Variants in SIPA1L2 observed in about 807,000 individuals in gnomAD.
The protein encoded by SIPA1L2 is signal-induced proliferation-associated 1-like protein 2.
A neutral mutation model predicts 163.9 loss-of-function variants in SIPA1L2; 56 were observed. That is an observed-to-expected ratio of 0.34 (90% CI 0.28 to 0.43). The LOEUF is 0.43. SIPA1L2 is among the 20% of genes least tolerant of loss of function. SIPA1L2 has a pLI of 1.00. For synonymous variants in SIPA1L2, 877 were observed against 865.7 expected (o/e 1.01, Z -0.23); for missense variants, 1,974 against 2,193.5 (o/e 0.90, Z 2.00).
At chr1:232,432,117 G>C (rs566469750) in intron 16 of SIPA1L2, 130 bp downstream of exon 16, 1 of 726,634 alleles carries the variant, frequency 1.4e-6, no homozygotes, top group Non-Finnish European at 2.2e-6. Flanking sequence ...AACATTTAAA[G>C]AGTTTAAGAA....
At chr1:232,576,753 A>C (rs1407971983) in intron 1 of SIPA1L2, among the ~76,000 whole-genome samples, 1 of 152,244 alleles carries the variant, frequency 6.6e-6, no homozygotes, top group African/African-American at 2.4e-5. Flanking sequence ...ACTTCAGTGA[A>C]CACACAAATG....
intron 10 of SIPA1L2, among the ~76,000 whole-genome samples, chr1:232,449,314 T>C (rs369886779): frequency 1.5e-3 from 234 of 151,466 alleles, no homozygotes; most frequent in Admixed American, 4.1e-3. Flanking sequence ...GTCAGGAGAT[T>C]GAGACCATCC....
At chr1:232,509,075 G>A (rs1666865145) in intron 3 of SIPA1L2, among the ~76,000 whole-genome samples, 1 of 152,230 alleles carries the variant, frequency 6.6e-6, no homozygotes. Flanking sequence ...CTGGGCAACA[G>A]AGCGAGACTC....
chr1:232,569,716 G>A (rs1459164043), intron 2 of SIPA1L2, among the ~76,000 whole-genome samples: 3 of 152,180 alleles, frequency 2.0e-5, no homozygotes, highest in Non-Finnish European at 1.5e-5. Context: ...GGGAGGTTGA[G>A]GCAGGAGAAC....
At chr1:232,555,360 G>T (rs1658641773) in intron 2 of SIPA1L2, among the ~76,000 whole-genome samples, 1 of 152,244 alleles carries the variant, frequency 6.6e-6, no homozygotes, top group East Asian at 1.9e-4. Context: ...AAGCCAACCT[G>T]GAGCAGCATA....
chr1:232,439,539 A>C, intron 14 of SIPA1L2, 43 bp from the exon 15 acceptor site: 1 of 1,571,882 alleles, frequency 6.4e-7, no homozygotes, highest in Non-Finnish European at 8.6e-7. Context: ...GTGAATCTTG[A>C]ACTCAGGTGC....
At chr1:232,412,846 C>T (rs1661038410) in intron 19 of SIPA1L2, among the ~76,000 whole-genome samples, 1 of 152,184 alleles carries the variant, frequency 6.6e-6, no homozygotes, top group African/African-American at 2.4e-5. Context: ...ATGCTAACTC[C>T]TCCCACATTA....
chr1:232,503,913 G>A (rs937755857), intron 3 of SIPA1L2, among the ~76,000 whole-genome samples: 1 of 152,156 alleles, frequency 6.6e-6, no homozygotes, highest in Non-Finnish European at 1.5e-5. Context: ...AATGAGGGCA[G>A]GGCATAGTGG....
Position 232,398,867 on chromosome 1 carries a change from A to G in SIPA1L2, c.*260T>C. The G allele has an allele frequency of 7.3e-6, 3 of 410,852 alleles. No individual in the cohort carries two copies. Among genetic ancestry groups the G allele is most frequent in the South Asian group, 6.7e-5 (2 of 30,010 alleles). 25.5% of individuals were successfully genotyped at this position (410,852 alleles called of 1,614,324 possible). ...TGTTTTAGCAGAGTCTAAAAGAAAAAGGTCTCAACTGTCGCCAGGGTTTAC... is the reference window on the plus strand; with the variant it reads ...TGTTTTAGCAGAGTCTAAAAGAAAAGGGTCTCAACTGTCGCCAGGGTTTAC... On this transcript the variant is annotated 3_prime_UTR_variant, in exon 23 of 23. Transcript: ENST00000674635.
intron 2 of SIPA1L2, 31 bp from the exon 3 acceptor site, chr1:232,515,639 C>A: frequency 3.1e-6 from 1 of 318,746 alleles, no homozygotes; most frequent in Non-Finnish European, 5.7e-6. Context: ...TAGCCATTAG[C>A]AATTAATATG....
chr1:232,525,844 T>TTTG (rs1667679552), intron 2 of SIPA1L2, among the ~76,000 whole-genome samples: 1 of 151,958 alleles, frequency 6.6e-6, no homozygotes, highest in Non-Finnish European at 1.5e-5. Flanking sequence ...AAACTATGAG[T>TTTG]CTAATCACCA....
intron 19 of SIPA1L2, among the ~76,000 whole-genome samples, chr1:232,411,503 A>C (rs1398339624): frequency 6.6e-6 from 1 of 152,030 alleles, no homozygotes; most frequent in Non-Finnish European, 1.5e-5. Flanking sequence ...TTTTGGATCA[A>C]ATTTGCTATT....
intron 10 of SIPA1L2, among the ~76,000 whole-genome samples, chr1:232,452,360 G>GC (rs1260553012): frequency 1.3e-5 from 2 of 152,068 alleles, no homozygotes; most frequent in African/African-American, 4.8e-5. Context: ...CACGGTCACT[G>GC]CCAAGTACTG....
chr1:232,449,624 G>C (rs1663447336), intron 10 of SIPA1L2, among the ~76,000 whole-genome samples: 1 of 151,208 alleles, frequency 6.6e-6, no homozygotes, highest in South Asian at 2.1e-4. Context: ...AAAAGGGGGA[G>C]AAAATTATTA....
chr1:232,557,475 G>A (rs977946147), intron 2 of SIPA1L2, among the ~76,000 whole-genome samples: 1 of 152,064 alleles, frequency 6.6e-6, no homozygotes, highest in Non-Finnish European at 1.5e-5. Flanking sequence ...AACACATCAG[G>A]CCCCACCAAA....
At position 232,441,374 on chromosome 1, in the gene SIPA1L2, G is replaced by C; in HGVS notation, c.3559C>G (p.Pro1187Ala). 6.2e-7 allele frequency: 1 copy of C among 1,600,816 alleles called. No individual in the cohort carries two copies. The highest frequency in any genetic ancestry group is 1.1e-5 in the South Asian group (1 of 88,418). Residue 1187 changes from proline to alanine, a missense_variant, in exon 14 of 23, where the codon CCT (proline) becomes GCT (alanine). Physicochemically the swap from Pro to Ala is conservative, Grantham distance 27 (BLOSUM62 -1). Coordinates refer to ENST00000674635, the MANE Select transcript of SIPA1L2 (RefSeq NM_020808.5). ...RHPETKWHGP[P>A]SKVLGSYKER... ...TTATAGGAACCCAGGACTTTGGAAG[G>C]TGGGCCATGCCATTTGGTTTCTGTC...
chr1:232,402,055 C>A (rs1660374967), intron 22 of SIPA1L2, among the ~76,000 whole-genome samples: 2 of 152,182 alleles, frequency 1.3e-5, no homozygotes, highest in Non-Finnish European at 2.9e-5. Context: ...CAATGGACTC[C>A]TCTGAGGTCA....
intron 1 of SIPA1L2, among the ~76,000 whole-genome samples, chr1:232,588,866 A>T (rs1359100842): frequency 6.6e-6 from 1 of 152,252 alleles, no homozygotes; most frequent in Admixed American, 6.5e-5. Context: ...ATTTTTCACG[A>T]AAGTATTATT....
intron 19 of SIPA1L2, among the ~76,000 whole-genome samples, chr1:232,407,195 T>C (rs1333524697): frequency 1.3e-5 from 2 of 152,240 alleles, no homozygotes; most frequent in Non-Finnish European, 2.9e-5. Context: ...CAATTTACTT[T>C]TGAGATAATT....
Sources: allele counts gnomAD v4.1 joint callset (sites outside exome capture counted in the v4.1 genomes callset), GRCh38; gene constraint gnomAD v4.1.1; transcripts MANE v1.5; gene names NCBI Gene and HGNC (gene_info 2026-07-23, HGNC 2026-07-21).